The following CCSER1 variants were observed in gnomAD, a reference collection of about 807,000 sequenced individuals.
CCSER1 encodes the protein serine-rich coiled-coil domain-containing protein 1.
In CCSER1, 41 loss-of-function variants were observed where a neutral mutation model predicts 82.0. The observed-to-expected ratio is 0.50, with a 90% CI of 0.39 to 0.65. The LOEUF is 0.65. Among genes scored for constraint, CCSER1 ranks in the 30% least tolerant of loss-of-function variants. The probability of loss-of-function intolerance (pLI) is 0.00; values close to 1 mark genes in which losing one functional copy is unlikely to be tolerated. For synonymous variants in CCSER1, 414 were observed against 383.9 expected, an observed-to-expected ratio of 1.08 and a Z score of -0.92; for missense variants, 1,119 against 1,064.2, an observed-to-expected ratio of 1.05 and a Z score of -0.72.
chr4:90,683,603 C>A (rs969950636), intron 6 of CCSER1, among the ~76,000 whole-genome samples: 2 of 151,956 alleles, frequency 1.3e-5, no homozygotes. Context: ...AATAGACAAG[C>A]TCTAATTAAA....
chr4:91,332,598 C>T (rs993628210), intron 10 of CCSER1, among the ~76,000 whole-genome samples: 2 of 151,492 alleles, frequency 1.3e-5, no homozygotes, highest in Non-Finnish European at 2.9e-5. Context: ...ATTTAACTTA[C>T]CTCAGTTGTA....
At chr4:91,029,010 C>T (rs759933981) in intron 9 of CCSER1, among the ~76,000 whole-genome samples, 8 of 151,908 alleles carry the variant, frequency 5.3e-5, no homozygotes, top group Non-Finnish European at 1.0e-4. Context: ...ACAGTAATTC[C>T]ACCATTAATT....
At chr4:91,438,648 G>C (rs1006338014) in intron 10 of CCSER1, among the ~76,000 whole-genome samples, 1 of 152,206 alleles carries the variant, frequency 6.6e-6, no homozygotes, top group Non-Finnish European at 1.5e-5. Flanking sequence ...ACTTTGACAA[G>C]TTGAGAGAAG....
chr4:91,116,834 A>G (rs1335705505), intron 10 of CCSER1, among the ~76,000 whole-genome samples: 3 of 152,184 alleles, frequency 2.0e-5, no homozygotes, highest in Non-Finnish European at 4.4e-5. Context: ...AAGTTTGGGA[A>G]TTATATATTT....
intron 1 of CCSER1, among the ~76,000 whole-genome samples, chr4:90,292,811 A>G (rs1578999270): frequency 6.6e-6 from 1 of 151,986 alleles, no homozygotes; most frequent in South Asian, 2.1e-4. Flanking sequence ...TGGATTCCAT[A>G]TTACTGCCTA....
chr4:90,493,786 A>G (rs1768494454), intron 5 of CCSER1, among the ~76,000 whole-genome samples: 2 of 152,204 alleles, frequency 1.3e-5, no homozygotes, highest in South Asian at 4.1e-4. Flanking sequence ...GGAAAGGAAC[A>G]ACCGGTACCA....
At chr4:90,571,580 A>G (rs1174228979) in intron 5 of CCSER1, among the ~76,000 whole-genome samples, 2 of 152,188 alleles carry the variant, frequency 1.3e-5, no homozygotes. Flanking sequence ...ACAATAGACA[A>G]CAGAGACTCC....
At chr4:91,039,235 G>T (rs1431233481) in intron 9 of CCSER1, among the ~76,000 whole-genome samples, 2 of 151,052 alleles carry the variant, frequency 1.3e-5, no homozygotes, top group Non-Finnish European at 2.9e-5. Flanking sequence ...TGGAGACAGG[G>T]TCTCACTATG....
At chr4:90,996,063 A>C (rs1737466323) in intron 9 of CCSER1, among the ~76,000 whole-genome samples, 1 of 152,118 alleles carries the variant, frequency 6.6e-6, no homozygotes, top group South Asian at 2.1e-4. Flanking sequence ...TTATAGTCCA[A>C]CAATGCTATA....
At chr4:90,306,942 A>G (rs1050754356) in intron 1 of CCSER1, among the ~76,000 whole-genome samples, 1 of 152,242 alleles carries the variant, frequency 6.6e-6, no homozygotes, top group African/African-American at 2.4e-5. Flanking sequence ...TCCTTGATGT[A>G]GAAACATAGC....
At chr4:90,301,209 G>A (rs1391335464) in intron 1 of CCSER1, among the ~76,000 whole-genome samples, 1 of 152,058 alleles carries the variant, frequency 6.6e-6, no homozygotes, top group Non-Finnish European at 1.5e-5. Flanking sequence ...ACATATTAAT[G>A]ATCCATATCC....
chr4:91,377,093 G>A (rs947893928), intron 10 of CCSER1, among the ~76,000 whole-genome samples: 24 of 152,186 alleles, frequency 1.6e-4, no homozygotes, highest in African/African-American at 5.5e-4. Flanking sequence ...CATTTTTTAT[G>A]GCTGCATAGT....
At chr4:90,488,077 A>C (rs542738767) in intron 5 of CCSER1, among the ~76,000 whole-genome samples, 1 of 152,248 alleles carries the variant, frequency 6.6e-6, no homozygotes, top group Non-Finnish European at 1.5e-5. Context: ...TTAGACCTTC[A>C]GAGATAGCAT....
chr4:90,714,992 C>A (rs80349346), intron 6 of CCSER1, among the ~76,000 whole-genome samples: 264 of 151,896 alleles, frequency 1.7e-3, no homozygotes, highest in African/African-American at 6.1e-3. Flanking sequence ...TGCCCTGATT[C>A]TGAATGATTT....
chr4:90,933,621 ATT>A (rs1244312684), intron 9 of CCSER1, among the ~76,000 whole-genome samples: 1 of 152,108 alleles, frequency 6.6e-6, no homozygotes, highest in African/African-American at 2.4e-5. Context: ...ACTAAAAAGA[ATT>A]TATGTAATTC....
chr4:91,493,761 C>A (rs1758672628), intron 10 of CCSER1, among the ~76,000 whole-genome samples: 1 of 151,362 alleles, frequency 6.6e-6, no homozygotes, highest in African/African-American at 2.4e-5. Flanking sequence ...GAGGTGATTC[C>A]TTATCAATAA....
At chr4:90,526,080 A>G (rs929481216) in intron 5 of CCSER1, among the ~76,000 whole-genome samples, 4 of 152,204 alleles carry the variant, frequency 2.6e-5, no homozygotes, top group African/African-American at 9.6e-5. Flanking sequence ...ATTATTTAAT[A>G]TATGCCTTTG....
At chr4:90,906,092 T>C (rs1409149660) in intron 8 of CCSER1, among the ~76,000 whole-genome samples, 1 of 152,168 alleles carries the variant, frequency 6.6e-6, no homozygotes, top group African/African-American at 2.4e-5. Context: ...CTACCATTTC[T>C]ATTTGAAAGA....
intron 8 of CCSER1, among the ~76,000 whole-genome samples, chr4:90,893,945 T>TA (rs1723331072): frequency 6.6e-6 from 1 of 152,026 alleles, no homozygotes; most frequent in African/African-American, 2.4e-5. Context: ...TACACTGACT[T>TA]TATAGCTAGA....
Sources: allele counts gnomAD v4.1 joint callset (sites outside exome capture counted in the v4.1 genomes callset), GRCh38; gene constraint gnomAD v4.1.1; transcripts MANE v1.5; gene names NCBI Gene and HGNC (gene_info 2026-07-23, HGNC 2026-07-21).